Variants in ZNF57 observed in about 807,000 individuals in gnomAD.
ZNF57 encodes zinc finger protein 424.
In ZNF57, 11 loss-of-function variants were observed where a neutral mutation model predicts 13.4. The observed-to-expected ratio is 0.82, with a 90% CI of 0.52 to 1.36. The LOEUF (loss-of-function observed/expected upper bound fraction) is 1.36. Among genes scored for constraint, ZNF57 ranks in the 40% most tolerant of loss-of-function variants. The pLI is 0.00. For synonymous variants in ZNF57, 224 were observed against 238.5 expected (o/e 0.94, Z 0.56); for missense variants, 696 against 667.5 (o/e 1.04, Z -0.47).
Position 2,905,411 on chromosome 19 carries a change from C to CCCCG in ZNF57, c.3+4366_3+4367insGCCC, listed in dbSNP as rs1555677382. 4.4e-5 allele frequency among the ~76,000 whole-genome samples: 3 copies of CCCCG among 68,096 alleles called. 1 individual carries two copies. Among genetic ancestry groups the CCCCG allele is most frequent in the Admixed American group, 1.0e-4 (1 of 9,942 alleles). 44.7% of individuals were successfully genotyped at this position (68,096 alleles called of 152,430 possible). A position where few individuals can be genotyped will look rare whatever the true frequency, so the allele number is the denominator to read the frequency against. ...AACTCTTGACTTCAGGTGATCGCCC[C>CCCCG]CCCCCCCTCGGCATTCCAAAGTATT... On this transcript the variant is annotated intron_variant, in intron 1 of 3. Transcript: ENST00000306908.
In ZNF57 at chr19:2,917,262, A is replaced by C; in HGVS notation, c.641A>C (p.His214Pro). The change falls in exon 4 of 4, where the codon CAC (histidine) becomes CCC (proline). Residue 214 changes from histidine (H) to proline (P), a missense_variant. Transcript: ENST00000306908. ...CAACATCCTCGTTACCTCTCCCACC[A>C]CGTAAAGACTCACACAGCAGAGAAA... Reference protein sequence around the residue: ...TFQHPRYLSHHVKTHTAEKTY... With the variant: ...TFQHPRYLSHPVKTHTAEKTY... 6.2e-7 allele frequency: 1 copy of C among 1,614,202 alleles called. No individual in the cohort carries two copies. The highest frequency in any genetic ancestry group is 8.5e-7 in the Non-Finnish European group (1 of 1,180,044).
rs1212426647 is a variant in ZNF57 at position 2,910,457 on chromosome 19, C to CT, written c.4-5044dup. Among the ~76,000 whole-genome samples the CT allele has an allele frequency of 3.6e-3, 31 of 8,652 alleles. 8 individuals carry two copies. The highest frequency in any genetic ancestry group is 5.8e-3 in the Admixed American group (3 of 514). The allele number at this position is 8,652 out of a possible 152,430, so 5.7% of individuals were successfully genotyped here. ...GTGCTTGATCTGTTTCTTTTCTTTTCTTTTTTTTTTTTTTTTTTTTTGAGA... is the reference window on the plus strand; with the variant it reads ...GTGCTTGATCTGTTTCTTTTCTTTTCTTTTTTTTTTTTTTTTTTTTTTGAGA... On this transcript the variant is annotated intron_variant, in intron 1 of 3. Transcript: ENST00000306908.
chr19:2,901,222 G>T (rs563960963), intron 1 of ZNF57, among the ~76,000 whole-genome samples, 174 bp downstream of exon 1: 1 of 149,086 alleles, frequency 6.7e-6, no homozygotes, highest in Non-Finnish European at 1.5e-5. Context: ...AGGACTGGGG[G>T]CAGTTTGGGG....
At chr19:2,913,514 C>T (rs1018529242) in intron 1 of ZNF57, among the ~76,000 whole-genome samples, 4 of 152,098 alleles carry the variant, frequency 2.6e-5, no homozygotes, top group South Asian at 2.1e-4. Context: ...ACATCCATCT[C>T]GAAGTATTTC....
intron 1 of ZNF57, among the ~76,000 whole-genome samples, chr19:2,904,037 T>C (rs2088052830): frequency 6.6e-6 from 1 of 152,118 alleles, no homozygotes; most frequent in Admixed American, 6.5e-5. Flanking sequence ...ATTTTTATAT[T>C]TTTTTGTAGA....
intron 3 of ZNF57, chr19:2,916,718 A>G: frequency 2.4e-6 from 1 of 413,714 alleles, no homozygotes; most frequent in South Asian, 4.7e-5. Flanking sequence ...TCCATCTCAA[A>G]AAATAAATAA....
rs1408963662 is a variant in ZNF57, at chr19:2,915,618, CT to C, written c.101del (p.Leu34ArgfsTer10). 1 of 1,613,874 alleles carries C rather than the reference CT, an allele frequency of 6.2e-7. No individual in the cohort carries two copies. The highest frequency in any genetic ancestry group is 1.3e-5 in the African/African-American group (1 of 74,936). ...AQRDLYRDVMLETFRNLASVD... is the reference protein window; with the variant it reads ...AQRDLYRDVMXETFRNLASVD... ...GAGGGACCTCTACAGAGATGTGATG[CT>C]GGAGACCTTCCGGAACCTGGCCTCA... On this transcript the variant is annotated frameshift_variant, in exon 2 of 4. Transcript: ENST00000306908. LOFTEE classifies it high-confidence loss of function.
At chr19:2,916,304 G>GTA in intron 3 of ZNF57, 55 bp downstream of exon 3, 4 of 1,435,130 alleles carry the variant, frequency 2.8e-6, no homozygotes, top group Non-Finnish European at 3.7e-6. Flanking sequence ...ATATATCTAA[G>GTA]TATTGCTCCA....
rs552754448 is a variant in ZNF57 at position 2,909,226 on chromosome 19, G to A, written c.4-6296G>A. ...ATATTTAGGAGTGGAATTTCCATTT[G>A]ATAATACTATGTTAACTTTTTTTCC... On this transcript the variant is annotated intron_variant, in intron 1 of 3. Transcript: ENST00000306908. Among the ~76,000 whole-genome samples the A allele has an allele frequency of 8.6e-4, 129 of 149,490 alleles. 1 individual carries two copies. In the Middle Eastern group the frequency reaches 0.014, roughly 16 times the overall value.
chr19:2,916,515 A>G (rs762205071), intron 3 of ZNF57: 153 of 295,246 alleles, frequency 5.2e-4, no homozygotes, highest in Non-Finnish European at 8.2e-4. Flanking sequence ...GATCAAGACC[A>G]TTCTGGCTAA....
At chr19:2,908,969 C>T (rs943877157) in intron 1 of ZNF57, among the ~76,000 whole-genome samples, 6 of 151,854 alleles carry the variant, frequency 4.0e-5, no homozygotes, top group Non-Finnish European at 5.9e-5. Flanking sequence ...AATATGTGTT[C>T]TTTTCTGACG....
At position 2,915,667 on chromosome 19, in the gene ZNF57, C is replaced by T; in HGVS notation, c.130+19C>T. On this transcript the variant is annotated intron_variant, in intron 2 of 3. Coordinates refer to ENST00000306908, the MANE Select transcript of ZNF57 (RefSeq NM_173480.3). The stretch of plus-strand genomic sequence containing the variant: ...TCAGTAGGTGAGGATGGCATCATTC[C>T]TTCCCTTGGTTTTTAATGAACTCAT... 1 of 1,613,474 alleles carries T rather than the reference C, an allele frequency of 6.2e-7. No individual in the cohort carries two copies. The highest frequency in any genetic ancestry group is 8.5e-7 in the Non-Finnish European group (1 of 1,179,594).
chr19:2,909,327 C>T (rs1440652296), intron 1 of ZNF57, among the ~76,000 whole-genome samples: 3 of 90,838 alleles, frequency 3.3e-5, no homozygotes, highest in Non-Finnish European at 4.7e-5. Context: ...GTCGCCCAGG[C>T]TGGAGTGCAG....
chr19:2,916,984 C>T lies in ZNF57; in HGVS notation c.363C>T (p.Ile121=), dbSNP rs368311679. 4 of 1,613,104 alleles carry T rather than the reference C, an allele frequency of 2.5e-6. No individual in the cohort carries two copies. Among genetic ancestry groups the T allele is most frequent in the Non-Finnish European group, 1.7e-6 (2 of 1,179,670 alleles). The change falls in exon 4 of 4, where the codon ATC becomes ATT. Residue 121 remains isoleucine (I), a synonymous_variant. Transcript: ENST00000306908. The stretch of plus-strand genomic sequence containing the variant: ...AAGGTAATCAATATGGAGAAGCCAT[C>T]CATCAAATGCCAGATCTTACCCTGC... The part of the protein sequence containing the change: ...HNEGNQYGEA[I]HQMPDLTLHK...
At chr19:2,916,557 C>CAA in intron 3 of ZNF57, 10 of 226,896 alleles carry the variant, frequency 4.4e-5, no homozygotes, top group South Asian at 1.7e-4. Context: ...CTAAAAATAC[C>CAA]AAAAAAAAAA....
rs2088216508 is a variant in ZNF57, at chr19:2,917,460, A to G, written c.839A>G (p.Tyr280Cys). The change falls in exon 4 of 4, where the codon TAT (tyrosine) becomes TGT (cysteine). Residue 280 changes from tyrosine (Y) to cysteine (C), a missense_variant. Transcript: ENST00000306908. ...ACAACACACACTGGAGAGAAGCCCT[A>G]TAAATGTCAGCACTGTGGGAAAGCC... is the stretch of plus-strand genomic sequence containing the variant. The part of the protein sequence containing the change: ...HMTTHTGEKP[Y>C]KCQHCGKAFT... 3 of 1,614,072 alleles carry G rather than the reference A, an allele frequency of 1.9e-6. No individual in the cohort carries two copies. The highest frequency in any genetic ancestry group is 2.5e-6 in the Non-Finnish European group (3 of 1,180,032).
chr19:2,911,302 G>T (rs1346934162), intron 1 of ZNF57, among the ~76,000 whole-genome samples: 2 of 152,056 alleles, frequency 1.3e-5, no homozygotes. Context: ...AGGCCGAGGT[G>T]GGTGGATCAC....
intron 1 of ZNF57, among the ~76,000 whole-genome samples, chr19:2,905,713 T>C (rs1310590226): frequency 1.4e-5 from 2 of 139,524 alleles, no homozygotes; most frequent in African/African-American, 5.4e-5. Context: ...TGCAGTGAGC[T>C]GAGATTGCGC....
intron 1 of ZNF57, among the ~76,000 whole-genome samples, chr19:2,906,577 G>A (rs976783905): frequency 1.3e-5 from 2 of 152,118 alleles, no homozygotes; most frequent in Admixed American, 6.5e-5. Flanking sequence ...TGCCGAAACC[G>A]CCCCCTCCCT....
Sources: allele counts gnomAD v4.1 joint callset (sites outside exome capture counted in the v4.1 genomes callset), GRCh38; gene constraint gnomAD v4.1.1; transcripts MANE v1.5; gene names NCBI Gene and HGNC (gene_info 2026-07-23, HGNC 2026-07-21).